The following TRPC7 variants were observed in gnomAD, a reference collection of about 807,000 sequenced individuals.
TRPC7 encodes transient receptor potential cation channel subfamily C member 7, also known as short transient receptor potential channel 7.
Under a neutral mutation model 90.1 loss-of-function variants are expected in TRPC7, and 42 were observed. The observed-to-expected ratio is 0.47, with a 90% CI of 0.36 to 0.60. The LOEUF (loss-of-function observed/expected upper bound fraction) is 0.60, where lower values mean the gene tolerates loss of function less well. Among genes scored for constraint, TRPC7 ranks in the 20% least tolerant of loss-of-function variants. The pLI is 0.00. For synonymous variants in TRPC7, 451 were observed against 436.3 expected (o/e 1.03, Z -0.42); for missense variants, 955 against 1,112.3 (o/e 0.86, Z 2.01).
intron 1 of TRPC7, among the ~76,000 whole-genome samples, chr5:136,359,354 G>A (rs953706490): frequency 6.6e-6 from 1 of 152,148 alleles, no homozygotes; most frequent in Non-Finnish European, 1.5e-5. Context: ...ATAATTATGG[G>A]CAACTCCCTC....
At chr5:136,242,778 C>T (rs1756211611) in intron 7 of TRPC7, among the ~76,000 whole-genome samples, 1 of 152,108 alleles carries the variant, frequency 6.6e-6, no homozygotes, top group African/African-American at 2.4e-5. Context: ...GGGTCCTACC[C>T]AGAACTACTA....
At chr5:136,356,148 C>G (rs1373864202) in intron 2 of TRPC7, among the ~76,000 whole-genome samples, 1 of 152,208 alleles carries the variant, frequency 6.6e-6, no homozygotes, top group Admixed American at 6.5e-5. Flanking sequence ...TCCTATTAGA[C>G]TGAGACTGAT....
rs573260094 is a variant in TRPC7, at chr5:136,276,118, T to C, written c.964-1281A>G. ...ATTTTTTAGTTGACTCAGGGTCAAC[T>C]GGAAACTGGTAATAGGCAATATTTA... On this transcript the variant is annotated intron_variant, in intron 3 of 11. Coordinates refer to ENST00000513104, the MANE Select transcript of TRPC7 (RefSeq NM_020389.3). 1.6e-4 allele frequency among the ~76,000 whole-genome samples: 24 copies of C among 152,328 alleles called. No individual in the cohort carries two copies. In the South Asian group the frequency reaches 4.8e-3, roughly 30 times the overall value.
intron 7 of TRPC7, among the ~76,000 whole-genome samples, chr5:136,241,547 T>C (rs1042870660): frequency 3.2e-4 from 48 of 150,804 alleles, no homozygotes; most frequent in African/African-American, 3.2e-4. Context: ...AGAAAGGCAC[T>C]CTTTTCCTTC....
rs531893125 is a variant in TRPC7, at chr5:136,244,626, G to T, written c.1844+2845C>A. On this transcript the variant is annotated intron_variant, in intron 7 of 11. Transcript: ENST00000513104. ...GCTAGAAACACAGGAGGGACACCAG[G>T]GTCTGATCACAGAAAGTAAGAGCCT... 2.0e-5 allele frequency among the ~76,000 whole-genome samples: 3 copies of T among 152,298 alleles called. No homozygotes were observed. The South Asian group carries it at 6.2e-4, about 32-fold the overall frequency.
chr5:136,333,797 A>G (rs1759572377), intron 2 of TRPC7, among the ~76,000 whole-genome samples: 1 of 152,248 alleles, frequency 6.6e-6, no homozygotes, highest in Admixed American at 6.5e-5. Context: ...GATTTTCCTA[A>G]CATGTTAATG....
At chr5:136,288,431 A>G (rs1757808113) in intron 3 of TRPC7, among the ~76,000 whole-genome samples, 1 of 150,748 alleles carries the variant, frequency 6.6e-6, no homozygotes, top group Admixed American at 6.6e-5. Flanking sequence ...CTAGTAATAG[A>G]GTGTAACAAC....
In TRPC7 at chr5:136,357,266, G is replaced by T. The variant is rs1182478627; in HGVS notation, c.122C>A (p.Thr41Lys). Residue 41 changes from threonine to lysine, a missense_variant, in exon 2 of 12, where the codon ACG becomes AAG. Thr to Lys is a moderately conservative substitution (Grantham distance 78). Transcript: ENST00000513104. ...GTCCAGGAAGCGCTCCTCCTCGGGC[G>T]TCAGACTGGTGCCCTTCTCGTTGAA... is the stretch of plus-strand genomic sequence containing the variant. Reference protein sequence around the residue: ...YMFNEKGTSLTPEEERFLDSA... With the variant: ...YMFNEKGTSLKPEEERFLDSA... 1.2e-6 allele frequency: 2 copies of T among 1,613,302 alleles called. No homozygotes were observed. The highest frequency in any genetic ancestry group is 1.7e-6 in the Non-Finnish European group (2 of 1,179,926).
chr5:136,358,770 A>T (rs1339554405), intron 1 of TRPC7, among the ~76,000 whole-genome samples: 4 of 152,222 alleles, frequency 2.6e-5, no homozygotes, highest in Non-Finnish European at 5.9e-5. Context: ...ACCAACTTGC[A>T]CATCTTAAAC....
chr5:136,216,434 C>T (rs879915176), intron 10 of TRPC7, among the ~76,000 whole-genome samples, 159 bp from the exon 11 acceptor site: 4 of 152,188 alleles, frequency 2.6e-5, no homozygotes, highest in Admixed American at 6.5e-5. Flanking sequence ...CTGCACAGTG[C>T]GGGTACCTGG....
intron 2 of TRPC7, among the ~76,000 whole-genome samples, chr5:136,325,749 T>G (rs1759325891): frequency 6.6e-6 from 1 of 151,782 alleles, no homozygotes; most frequent in African/African-American, 2.4e-5. Context: ...CACCAAGGTC[T>G]GGGGGCAGGG....
chr5:136,328,357 C>T (rs925347121), intron 2 of TRPC7, among the ~76,000 whole-genome samples: 1 of 152,154 alleles, frequency 6.6e-6, no homozygotes, highest in South Asian at 2.1e-4. Flanking sequence ...TTTATATGCT[C>T]TCTGCAGGAG....
At position 136,247,492 on chromosome 5, in the gene TRPC7, T is replaced by G; in HGVS notation, c.1823A>C (p.Lys608Thr). The change falls in exon 7 of 12, where the codon AAA (lysine) becomes ACA (threonine). Residue 608 changes from lysine to threonine, a missense_variant. This residue lies in a region of TRPC7 where 296 missense variants were observed against 422.7 expected (regional missense o/e 0.70). Coordinates refer to ENST00000513104, the MANE Select transcript of TRPC7 (RefSeq NM_020389.3). The surrounding 1 kb of genome is among the most constrained non-coding windows in gnomAD (Gnocchi z 4.2). ...FNLYSYYRGA[K>T]YNPAFTTVEE... is the part of the protein sequence containing the mutation. ...TCACGTTGTAAACGCTGGGTTGTAT[T>G]TGGCACCTCGGTAGTAAGAGTACAG... 1.2e-6 allele frequency: 2 copies of G among 1,613,420 alleles called. No homozygotes were observed. The highest frequency in any genetic ancestry group is 8.5e-7 in the Non-Finnish European group (1 of 1,179,454).
rs529330866 is a variant in TRPC7 at position 136,299,340 on chromosome 5, CGTGTGTGTGTGTGTGTGT to C, written c.963+16239_963+16256del. 8.1e-5 allele frequency among the ~76,000 whole-genome samples: 10 copies of C among 122,724 alleles called. 1 individual carries two copies. The Middle Eastern group carries it at 0.02, about 245-fold the overall frequency. The allele number at this position is 122,724 out of a possible 152,430, so 80.5% of individuals were successfully genotyped here. ...GAAATTTCTCTGACTGGGGTGTGTG[CGTGTGTGTGTGTGTGTGT>C]GTGTGTGTGTGTGTGTGTGTGGTGG... On this transcript the variant is annotated intron_variant, in intron 3 of 11. Transcript: ENST00000513104.
At chr5:136,239,775 CCTTT>C (rs1756099157) in intron 7 of TRPC7, among the ~76,000 whole-genome samples, 1 of 152,252 alleles carries the variant, frequency 6.6e-6, no homozygotes, top group African/African-American at 2.4e-5. Flanking sequence ...TTTGTAGCTG[CCTTT>C]CTTTCACATT....
At chr5:136,360,244 C>T (rs376265572) in intron 1 of TRPC7, among the ~76,000 whole-genome samples, 2 of 152,258 alleles carry the variant, frequency 1.3e-5, no homozygotes. Flanking sequence ...AGCCTACAAA[C>T]TTAAAGGATA....
At chr5:136,290,304 C>T (rs868059502) in intron 3 of TRPC7, among the ~76,000 whole-genome samples, 12 of 152,100 alleles carry the variant, frequency 7.9e-5, no homozygotes, top group Admixed American at 1.3e-4. Flanking sequence ...ATGACTTTGA[C>T]GAATTGAGAG....
At chr5:136,348,917 C>T (rs1386202208) in intron 2 of TRPC7, among the ~76,000 whole-genome samples, 3 of 152,032 alleles carry the variant, frequency 2.0e-5, no homozygotes, top group African/African-American at 7.2e-5. Context: ...CTCTGCATTG[C>T]CATTTGATTT....
intron 3 of TRPC7, among the ~76,000 whole-genome samples, chr5:136,280,139 G>A (rs1050251578): frequency 6.6e-5 from 10 of 152,106 alleles, no homozygotes; most frequent in East Asian, 3.9e-4. Flanking sequence ...CAACCTGGGC[G>A]ATGGATCAAG....
Sources: gnomAD v4.1 joint callset for allele counts (sites outside exome capture counted in the v4.1 genomes callset) on GRCh38, gnomAD v4.1.1 for gene constraint, gnomAD v4.1.1 regional missense constraint, Gnocchi (gnomAD v3.1) non-coding constraint, MANE v1.5 for transcripts, NCBI Gene and HGNC (gene_info 2026-07-23, HGNC 2026-07-21) for gene names.